Variants in FRAS1 observed in about 807,000 individuals in gnomAD.
The protein encoded by FRAS1 is extracellular matrix organizing protein FRAS1.
Under a neutral mutation model 435.2 loss-of-function variants are expected in FRAS1, and 290 were observed. The observed-to-expected ratio is 0.67, with a 90% CI of 0.61 to 0.73. The LOEUF (loss-of-function observed/expected upper bound fraction) is 0.73, where lower values mean the gene tolerates loss of function less well. FRAS1 is among the 30% of genes least tolerant of loss of function. The pLI is 0.00. For synonymous variants in FRAS1, 1,800 were observed against 1,851.0 expected (o/e 0.97, Z 0.71); for missense variants, 4,860 against 5,001.5 (o/e 0.97, Z 0.85).
intron 20 of FRAS1, among the ~76,000 whole-genome samples, chr4:78,357,907 C>T (rs1210713907): frequency 6.6e-6 from 1 of 152,002 alleles, no homozygotes; most frequent in Non-Finnish European, 1.5e-5. Flanking sequence ...TCTTACCAAA[C>T]AAAAAAGACA....
chr4:78,077,805 T>C (rs1167764005), intron 2 of FRAS1, among the ~76,000 whole-genome samples: 1 of 152,122 alleles, frequency 6.6e-6, no homozygotes, highest in Non-Finnish European at 1.5e-5. Flanking sequence ...ACAGTATCAT[T>C]CCAACTTTTG....
chr4:78,515,406 C>T (rs974937939), intron 65 of FRAS1, among the ~76,000 whole-genome samples: 13 of 150,490 alleles, frequency 8.6e-5, no homozygotes, highest in African/African-American at 2.9e-4. Flanking sequence ...AATGAATGAG[C>T]CATACAGTAA....
intron 20 of FRAS1, among the ~76,000 whole-genome samples, chr4:78,342,710 T>A (rs537403825): frequency 6.6e-6 from 1 of 152,342 alleles, no homozygotes; most frequent in South Asian, 2.1e-4. Flanking sequence ...CGGGGGAATG[T>A]CCACATGCAG....
intron 2 of FRAS1, among the ~76,000 whole-genome samples, chr4:78,176,490 G>C (rs2110044327): frequency 6.6e-6 from 1 of 152,302 alleles, no homozygotes. Flanking sequence ...TCCCTGAAGA[G>C]CTACATTGCT....
At chr4:78,311,857 T>G (rs1264903108) in intron 15 of FRAS1, among the ~76,000 whole-genome samples, 1 of 152,178 alleles carries the variant, frequency 6.6e-6, no homozygotes, top group Non-Finnish European at 1.5e-5. Context: ...TCCTATTCTA[T>G]AGATTTCTTT....
intron 70 of FRAS1, among the ~76,000 whole-genome samples, chr4:78,532,919 T>C (rs1323308176): frequency 2.0e-5 from 3 of 152,334 alleles, no homozygotes; most frequent in East Asian, 3.9e-4. Flanking sequence ...ATCTTAACTA[T>C]TGTGAATAAT....
At chr4:78,361,084 G>A (rs952889068) in intron 20 of FRAS1, among the ~76,000 whole-genome samples, 1 of 152,174 alleles carries the variant, frequency 6.6e-6, no homozygotes, top group African/African-American at 2.4e-5. Flanking sequence ...TGAATCTGTA[G>A]TGTTTCCTAG....
At chr4:78,183,850 T>C (rs1722154074) in intron 2 of FRAS1, among the ~76,000 whole-genome samples, 1 of 10,760 alleles carries the variant, frequency 9.3e-5, no homozygotes, top group East Asian at 0.12. Flanking sequence ...AATTGAAAAG[T>C]TCAAAATAAA....
At chr4:78,148,797 C>A (rs1028358829) in intron 2 of FRAS1, among the ~76,000 whole-genome samples, 1 of 152,058 alleles carries the variant, frequency 6.6e-6, no homozygotes, top group South Asian at 2.1e-4. Context: ...TTCTCAGTAG[C>A]GTTTATTATT....
Position 78,448,128 on chromosome 4 carries a change from C to A in FRAS1, c.6086C>A (p.Thr2029Asn). ...GTTTTAGTCCAGGGCTCAACCTTCACCTACCAGGATATCCTAGCTGGGCTG... is the reference window on the plus strand; with the variant it reads ...GTTTTAGTCCAGGGCTCAACCTTCAACTACCAGGATATCCTAGCTGGGCTG... Reference protein sequence around the residue: ...GRVLVQGSTFTYQDILAGLVG... With the variant: ...GRVLVQGSTFNYQDILAGLVG... Residue 2029 changes from threonine (T) to asparagine (N), a missense_variant, in exon 44 of 74, where the codon ACC becomes AAC. Physicochemically the swap from Thr to Asn is moderately conservative, Grantham distance 65. Transcript: ENST00000512123. 6.2e-7 allele frequency: 1 copy of A among 1,613,726 alleles called. No homozygotes were observed. The highest frequency in any genetic ancestry group is 1.1e-5 in the South Asian group (1 of 91,038).
Position 78,274,951 on chromosome 4 carries a change from G to A in FRAS1, c.982-3704G>A, listed in dbSNP as rs1426444818. ...CCATTATTATTGTGTGGGAGTCTAAGTCTCTTTGTAGGTCTCTAAGGACTT... is the reference window on the plus strand; with the variant it reads ...CCATTATTATTGTGTGGGAGTCTAAATCTCTTTGTAGGTCTCTAAGGACTT... On this transcript the variant is annotated intron_variant, in intron 9 of 73. Transcript: ENST00000512123. 3.9e-5 allele frequency among the ~76,000 whole-genome samples: 6 copies of A among 152,288 alleles called. 1 individual carries two copies. The highest frequency in any genetic ancestry group is 1.4e-4 in the African/African-American group (6 of 41,564).
intron 2 of FRAS1, among the ~76,000 whole-genome samples, chr4:78,143,971 A>G (rs1053541291): frequency 6.6e-6 from 1 of 151,858 alleles, no homozygotes; most frequent in African/African-American, 2.4e-5. Context: ...ATTAAGCTAG[A>G]AATCAATCAC....
chr4:78,339,421 CAA>C (rs1268450647), intron 20 of FRAS1, among the ~76,000 whole-genome samples: 1 of 152,144 alleles, frequency 6.6e-6, no homozygotes, highest in African/African-American at 2.4e-5. Flanking sequence ...GTGTAGTTAA[CAA>C]ATGGTACAAA....
rs201843391 is a variant in FRAS1 at position 78,473,533 on chromosome 4, C to A, written c.7618C>A (p.Pro2540Thr). 2.1e-4 allele frequency: 335 copies of A among 1,612,904 alleles called. No homozygotes were observed. The highest frequency in any genetic ancestry group is 3.2e-5 in the Non-Finnish European group (38 of 1,179,282). Reference protein sequence around the residue: ...SFQFLVKDSKPNVVSDNVFHI... With the variant: ...SFQFLVKDSKTNVVSDNVFHI... ...TCAGTTTCTGGTGAAAGACAGTAAACCCAATGTGGTCAGCGACAATGTCTT... is the reference window on the plus strand; with the variant it reads ...TCAGTTTCTGGTGAAAGACAGTAAAACCAATGTGGTCAGCGACAATGTCTT... The change falls in exon 53 of 74, where the codon CCC becomes ACC. Residue 2540 changes from proline to threonine, a missense_variant. Physicochemically the swap from Pro to Thr is conservative, Grantham distance 38. Coordinates refer to ENST00000512123, the MANE Select transcript of FRAS1 (RefSeq NM_025074.7).
intron 2 of FRAS1, among the ~76,000 whole-genome samples, chr4:78,083,698 G>A (rs56404216): frequency 0.056 from 7,113 of 127,348 alleles, 236 homozygotes; most frequent in Middle Eastern, 0.11. Flanking sequence ...GTACACGGTT[G>A]TCTTTTTTGT....
intron 2 of FRAS1, among the ~76,000 whole-genome samples, chr4:78,163,107 G>T (rs74766686): frequency 8.5e-4 from 129 of 152,254 alleles, no homozygotes; most frequent in African/African-American, 3.0e-3. Context: ...CTGTTCTCTA[G>T]AAAAATACAC....
At chr4:78,145,258 C>T (rs1487777781) in intron 2 of FRAS1, among the ~76,000 whole-genome samples, 1 of 152,098 alleles carries the variant, frequency 6.6e-6, no homozygotes, top group Non-Finnish European at 1.5e-5. Context: ...ACGCCTTACT[C>T]TAGGTAGGCC....
At position 78,183,732 on chromosome 4, in the gene FRAS1, TTGTGTGTGTG is replaced by T. The variant is rs3974339; in HGVS notation, c.109-53744_109-53735del. Among the ~76,000 whole-genome samples, 592 of 137,038 alleles carry T rather than the reference TTGTGTGTGTG, an allele frequency of 4.3e-3. 8 individuals are homozygous for T. The highest frequency in any genetic ancestry group is 0.014 in the African/African-American group (515 of 37,198). The allele number at this position is 137,038 out of a possible 152,430, so 89.9% of individuals were successfully genotyped here. On this transcript the variant is annotated intron_variant, in intron 2 of 73. Coordinates refer to ENST00000512123, the MANE Select transcript of FRAS1 (RefSeq NM_025074.7). Reference sequence around the variant, plus strand: ...TTTTTTCTCCCTGTTTTCATTCTCTTTGTGTGTGTGTGTGTGTGTGTGTGTGTGTGTGTGT... The same window carrying T: ...TTTTTTCTCCCTGTTTTCATTCTCTTTGTGTGTGTGTGTGTGTGTGTGTGT...
intron 14 of FRAS1, among the ~76,000 whole-genome samples, chr4:78,289,609 C>A (rs562960254): frequency 8.5e-5 from 13 of 152,294 alleles, no homozygotes; most frequent in Admixed American, 2.0e-4. Context: ...GCTTTAACCC[C>A]TATGTGTCCT....
Sources: allele counts gnomAD v4.1 joint callset (sites outside exome capture counted in the v4.1 genomes callset), GRCh38; gene constraint gnomAD v4.1.1; transcripts MANE v1.5; gene names NCBI Gene and HGNC (gene_info 2026-07-23, HGNC 2026-07-21).